The following NDUFAF6 variants were observed in gnomAD, a reference collection of about 807,000 sequenced individuals.
NDUFAF6 encodes the protein NADH:ubiquinone oxidoreductase complex assembly factor 6.
NDUFAF6 carries 45 observed loss-of-function variants against 40.8 expected under a neutral mutation model. The ratio of observed to expected loss-of-function variants is 1.10; its 90% confidence interval spans 0.87 to 1.42. The LOEUF (loss-of-function observed/expected upper bound fraction) is 1.42. Among genes scored for constraint, NDUFAF6 ranks in the 40% most tolerant of loss-of-function variants. The pLI is 0.00. For missense variants in NDUFAF6, 435 were observed against 418.5 expected (o/e 1.04, Z -0.34); for synonymous variants, 185 against 155.9 (o/e 1.19, Z -1.39).
At chr8:95,002,138 A>G (rs1382994915) in intron 2 of NDUFAF6, among the ~76,000 whole-genome samples, 2 of 152,222 alleles carry the variant, frequency 1.3e-5, no homozygotes, top group African/African-American at 2.4e-5. Context: ...TTATATTTCC[A>G]GAATATTTGG....
upstream of NDUFAF6, among the ~76,000 whole-genome samples, chr8:94,954,058 ATTTTTTTGTT>A (rs1045984895): frequency 4.0e-5 from 6 of 151,758 alleles, no homozygotes; most frequent in African/African-American, 1.5e-4. Flanking sequence ...TGCAAGATGA[ATTTTTTTGTT>A]TTGTTTTTTG....
chr8:94,920,435 G>A (rs1448593574), intron 1 of NDUFAF6, among the ~76,000 whole-genome samples: 1 of 152,160 alleles, frequency 6.6e-6, no homozygotes, highest in African/African-American at 2.4e-5. Context: ...AGGAGGGGAG[G>A]GCCAAGCAGT....
chr8:94,963,335 G>A (rs1350504423), intron 1 of NDUFAF6, among the ~76,000 whole-genome samples: 1 of 152,180 alleles, frequency 6.6e-6, no homozygotes, highest in African/African-American at 2.4e-5. Flanking sequence ...CCCCCAAGGT[G>A]CTCATAGTCA....
intron 4 of NDUFAF6, among the ~76,000 whole-genome samples, chr8:95,110,353 G>A (rs1030831600): frequency 1.3e-5 from 2 of 152,150 alleles, no homozygotes; most frequent in Non-Finnish European, 2.9e-5. Flanking sequence ...TGCTCTGTAG[G>A]GTATGGTTCA....
chr8:95,105,090 G>C (rs990296354), downstream of NDUFAF6, among the ~76,000 whole-genome samples: 170 of 150,082 alleles, frequency 1.1e-3, 1 homozygote, highest in African/African-American at 4.0e-3. Flanking sequence ...GAGAGAGAGA[G>C]AGAGAGAGAG....
intron 2 of NDUFAF6, among the ~76,000 whole-genome samples, chr8:95,004,905 T>TA (rs1340289110): frequency 6.6e-6 from 1 of 152,208 alleles, no homozygotes; most frequent in African/African-American, 2.4e-5. Context: ...TGGTACTCAA[T>TA]AAATATTGGT....
At chr8:95,087,082 A>ATTT (rs1809074498) in intron 2 of NDUFAF6, among the ~76,000 whole-genome samples, 15 of 149,936 alleles carry the variant, frequency 1.0e-4, no homozygotes, top group East Asian at 9.7e-4. Flanking sequence ...TTTTTTTTTA[A>ATTT]AAAATTCTGC....
At chr8:94,911,339 G>A (rs935922267) in intron 1 of NDUFAF6, among the ~76,000 whole-genome samples, 2 of 152,190 alleles carry the variant, frequency 1.3e-5, no homozygotes, top group African/African-American at 4.8e-5. Context: ...CTATAAAAAG[G>A]GAATAACACC....
intron 2 of NDUFAF6, among the ~76,000 whole-genome samples, chr8:95,007,686 CT>C (rs1827060452): frequency 8.9e-6 from 1 of 111,802 alleles, no homozygotes; most frequent in South Asian, 3.0e-4. Flanking sequence ...TTTTTTTAAT[CT>C]GTGGTATACT....
chr8:95,063,916 G>C (rs1832633016), intron 9 of NDUFAF6, among the ~76,000 whole-genome samples: 1 of 151,288 alleles, frequency 6.6e-6, no homozygotes, highest in Non-Finnish European at 1.5e-5. Context: ...CTGTCACCCA[G>C]GCTGGAGTGC....
At chr8:95,108,031 T>C (rs7845016), downstream of NDUFAF6, among the ~76,000 whole-genome samples, 126,414 of 152,190 alleles carry the variant, frequency 0.83, 52,906 homozygotes, top group East Asian at 1. Context: ...ATGGCTACCA[T>C]AGAAAAACAA....
intron 2 of NDUFAF6, chr8:95,087,871 G>A (rs759339688): frequency 6.6e-6 from 1 of 152,320 alleles, no homozygotes; most frequent in African/African-American, 2.4e-5. Flanking sequence ...CAGGGCCGGG[G>A]AGTGGCACAC....
At chr8:94,946,019 C>T (rs1821952649) in intron 2 of NDUFAF6, among the ~76,000 whole-genome samples, 1 of 152,006 alleles carries the variant, frequency 6.6e-6, no homozygotes, top group Non-Finnish European at 1.5e-5. Flanking sequence ...AACAAAACCA[C>T]ATTATAAAAA....
rs141469700 is a variant in NDUFAF6, at chr8:94,942,036, C to T, written c.-935-3447C>T. Among the ~76,000 whole-genome samples the T allele has an allele frequency of 7.4e-3, 1,116 of 151,492 alleles. 17 individuals carry two copies. The highest frequency in any genetic ancestry group is 0.026 in the African/African-American group (1,061 of 41,318). On this transcript the variant is annotated intron_variant, in intron 1 of 14. Coordinates refer to the NDUFAF6 transcript ENST00000396113. ...CCAACACCCTAGCAGTCACCCTTCA[C>T]GCTTTTTTTTTTTTGAGACGGAGTC...
chr8:94,977,515 C>G (rs1046241383), intron 1 of NDUFAF6, among the ~76,000 whole-genome samples: 1 of 144,382 alleles, frequency 6.9e-6, no homozygotes, highest in Non-Finnish European at 1.5e-5. Context: ...GAGCAAGACC[C>G]TGTCTCTAAA....
At chr8:95,024,978 G>T (rs202043750), upstream of NDUFAF6, 340 of 1,294,728 alleles carry the variant, frequency 2.6e-4, no homozygotes, top group African/African-American at 4.7e-3. Context: ...CGCCGACGGC[G>T]GGGGGTCGAA....
chr8:95,078,884 C>T (rs959642145), downstream of NDUFAF6, among the ~76,000 whole-genome samples: 23 of 152,008 alleles, frequency 1.5e-4, 1 homozygote, highest in Admixed American at 8.5e-4. Flanking sequence ...GGCTTGATAG[C>T]CCATTCTTTT....
intron 1 of NDUFAF6, among the ~76,000 whole-genome samples, chr8:94,942,945 A>G (rs1215254775): frequency 2.0e-5 from 3 of 152,250 alleles, no homozygotes; most frequent in Admixed American, 2.0e-4. Context: ...GGAAGGGAAA[A>G]GTCAAAGACC....
chr8:94,917,370 A>C (rs556318224), intron 1 of NDUFAF6, among the ~76,000 whole-genome samples: 1 of 152,202 alleles, frequency 6.6e-6, no homozygotes, highest in South Asian at 2.1e-4. Flanking sequence ...CTATAACACA[A>C]GTACTGCTGT....
Sources: allele counts gnomAD v4.1 joint callset (sites outside exome capture counted in the v4.1 genomes callset), GRCh38; gene constraint gnomAD v4.1.1; transcripts MANE v1.5; gene names NCBI Gene and HGNC (gene_info 2026-07-23, HGNC 2026-07-21).